Variants in NVL observed in about 807,000 individuals in gnomAD.
NVL encodes nuclear valosin-containing protein-like.
NVL carries 84 observed loss-of-function variants against 110.2 expected under a neutral mutation model. That is an observed-to-expected ratio of 0.76 (90% CI 0.64 to 0.91). The LOEUF is 0.91. NVL is among the 40% of genes least tolerant of loss of function. The pLI, the probability that NVL is intolerant of heterozygous loss-of-function variation, is 0.00. For missense variants in NVL, 882 were observed against 1,035.9 expected (o/e 0.85, Z 2.04); for synonymous variants, 354 against 361.1 (o/e 0.98, Z 0.22).
chr1:224,234,341 C>T (rs1386236895), intron 20 of NVL, among the ~76,000 whole-genome samples: 1 of 151,944 alleles, frequency 6.6e-6, no homozygotes, highest in Non-Finnish European at 1.5e-5. Flanking sequence ...AACATCACTT[C>T]TATGATTCAC....
Position 224,300,650 on chromosome 1 carries a change from G to T in NVL, c.974C>A (p.Pro325Gln). Residue 325 changes from proline to glutamine, a missense_variant, in exon 10 of 23, where the codon CCA becomes CAA. By Grantham distance (76) the Pro-to-Gln change is moderately conservative. Transcript: ENST00000281701. ...CTCTGGAGCAGCCACTTTCAAAATT[G>T]GCAGGTCAAGTTCCTATGCAGACAC... ...AHAIAGELDL[P>Q]ILKVAAPEIV... 2.5e-6 allele frequency: 4 copies of T among 1,613,452 alleles called. No individual in the cohort carries two copies. The highest frequency in any genetic ancestry group is 1.1e-5 in the South Asian group (1 of 90,998).
At chr1:224,301,277 G>T (rs539270482) in intron 9 of NVL, among the ~76,000 whole-genome samples, 1 of 151,732 alleles carries the variant, frequency 6.6e-6, no homozygotes, top group Non-Finnish European at 1.5e-5. Context: ...GCAATTCTTC[G>T]TTTTTTTTGG....
chr1:224,287,904 A>G lies in NVL; in HGVS notation c.1665T>C (p.Asp555=), dbSNP rs1347879650. Residue 555 remains aspartate, a synonymous_variant, in exon 14 of 23, where the codon GAT becomes GAC. Coordinates refer to ENST00000281701, the MANE Select transcript of NVL (RefSeq NM_002533.4). ...QMQGLCIELN[D]FIVALSSVQP... is the part of the protein sequence containing the mutation. ...GGACTGAGGATAGAGCAACAATGAA[A>G]TCATTCAGTTCAATGCACAGTCCTT... The G allele has an allele frequency of 6.2e-6, 10 of 1,613,994 alleles. No individual in the cohort carries two copies. Among genetic ancestry groups the G allele is most frequent in the East Asian group, 4.5e-5 (2 of 44,894 alleles).
intron 18 of NVL, among the ~76,000 whole-genome samples, chr1:224,260,930 C>T (rs1206779315): frequency 6.6e-6 from 1 of 152,008 alleles, no homozygotes; most frequent in African/African-American, 2.4e-5. Context: ...GGCTGGAGTG[C>T]AGTGGCGTGA....
Position 224,300,560 on chromosome 1 carries a change from A to AAATAGTT in NVL, c.1062+1_1062+2insAACTATT. The AAATAGTT allele has an allele frequency of 6.2e-7, 1 of 1,611,754 alleles. No homozygotes were observed. Among genetic ancestry groups the AAATAGTT allele is most frequent in the Non-Finnish European group, 8.5e-7 (1 of 1,178,090 alleles). Reference sequence around the variant, plus strand: ...CCTGGCATTAGTCATTAACTGACTCACCACAGCTTGCTCAAATAGTTCTCT... The same window carrying AAATAGTT: ...CCTGGCATTAGTCATTAACTGACTCAAATAGTTCCACAGCTTGCTCAAATAGTTCTCT... On this transcript the variant is annotated splice_donor_variant, in intron 10 of 22. Coordinates refer to ENST00000281701, the MANE Select transcript of NVL (RefSeq NM_002533.4). LOFTEE classifies it high-confidence loss of function.
In NVL at chr1:224,321,193, C is replaced by T. The variant is rs1027571097; in HGVS notation, c.132-3263G>A. Among the ~76,000 whole-genome samples the T allele has an allele frequency of 5.9e-5, 9 of 152,032 alleles. No homozygotes were observed. The East Asian group carries it at 1.4e-3, about 23-fold the overall frequency. On this transcript the variant is annotated intron_variant, in intron 2 of 22. Transcript: ENST00000281701. ...CCAGGGGGCTGAAGCTGCAGTGAGC[C>T]GAGATTGAGCCACTGCACTCCAACC... is the stretch of plus-strand genomic sequence containing the variant.
chr1:224,231,835 A>C (rs1460943214), intron 21 of NVL, among the ~76,000 whole-genome samples: 1 of 145,190 alleles, frequency 6.9e-6, no homozygotes. Flanking sequence ...GACCAGCCTG[A>C]CCAATATGGT....
At chr1:224,248,231 A>G (rs1662078710) in intron 19 of NVL, among the ~76,000 whole-genome samples, 1 of 152,176 alleles carries the variant, frequency 6.6e-6, no homozygotes, top group Non-Finnish European at 1.5e-5. Flanking sequence ...AGTTAATCCA[A>G]TGTCCTACTA....
intron 20 of NVL, among the ~76,000 whole-genome samples, chr1:224,236,200 A>T (rs1660451543): frequency 6.6e-6 from 1 of 152,212 alleles, no homozygotes. Context: ...TGGCACTTGT[A>T]GATTAGTCTC....
chr1:224,281,548 C>A (rs957343029), intron 15 of NVL, among the ~76,000 whole-genome samples: 23 of 151,558 alleles, frequency 1.5e-4, no homozygotes, highest in Admixed American at 9.2e-4. Context: ...GATCAGCCTG[C>A]CTCGGCCTGC....
intron 9 of NVL, among the ~76,000 whole-genome samples, chr1:224,301,302 A>C (rs1668383842): frequency 6.6e-6 from 1 of 152,070 alleles, no homozygotes; most frequent in Non-Finnish European, 1.5e-5. Context: ...ACTGTGTCTC[A>C]CTATGTTGCC....
rs1484573488 is a variant in NVL, at chr1:224,288,330, G to GA, written c.1576-338dup. 3.3e-5 allele frequency among the ~76,000 whole-genome samples: 5 copies of GA among 152,066 alleles called. No homozygotes were observed. In the South Asian group the frequency reaches 1.0e-3, roughly 32 times the overall value. On this transcript the variant is annotated intron_variant, in intron 13 of 22. Coordinates refer to ENST00000281701, the MANE Select transcript of NVL (RefSeq NM_002533.4). The stretch of plus-strand genomic sequence containing the variant: ...CCATGTTTCATTTATAAATATTCAA[G>GA]AAACAGTTGAATCCTGATGAAATTA...
At chr1:224,298,500 G>T in intron 10 of NVL, 1 of 198,884 alleles carries the variant, frequency 5.0e-6, no homozygotes, top group Non-Finnish European at 1.1e-5. Context: ...GGAAACCAAA[G>T]GGAAAGTGTC....
chr1:224,281,312 T>TGA (rs1666300050), intron 15 of NVL, 127 bp from the exon 16 acceptor site: 50 of 748,854 alleles, frequency 6.7e-5, no homozygotes, highest in East Asian at 1.4e-4. Context: ...TGTGTGTGTG[T>TGA]GAGATTTAGA....
intron 22 of NVL, among the ~76,000 whole-genome samples, chr1:224,230,475 G>T (rs1303477430): frequency 6.6e-6 from 1 of 151,984 alleles, no homozygotes; most frequent in Admixed American, 6.6e-5. Flanking sequence ...ATGGTGGTGC[G>T]CACCTATAGT....
intron 21 of NVL, among the ~76,000 whole-genome samples, chr1:224,232,580 A>G (rs1660021205): frequency 1.3e-5 from 2 of 151,996 alleles, no homozygotes; most frequent in South Asian, 4.2e-4. Flanking sequence ...GGCTGCTCTC[A>G]AACTCCTGGG....
At chr1:224,251,616 G>T (rs1413914143) in intron 18 of NVL, among the ~76,000 whole-genome samples, 1 of 152,136 alleles carries the variant, frequency 6.6e-6, no homozygotes, top group Non-Finnish European at 1.5e-5. Context: ...CTCCAGCCTG[G>T]GCGACAGAGC....
At chr1:224,240,794 T>G (rs1305303820) in intron 19 of NVL, among the ~76,000 whole-genome samples, 1 of 144,728 alleles carries the variant, frequency 6.9e-6, no homozygotes, top group Admixed American at 6.9e-5. Context: ...TTTTTTTTTT[T>G]TTTTTTTTTT....
At chr1:224,324,051 A>T (rs1670911168) in intron 2 of NVL, among the ~76,000 whole-genome samples, 1 of 152,228 alleles carries the variant, frequency 6.6e-6, no homozygotes, top group South Asian at 2.1e-4. Flanking sequence ...AAAATAAGTA[A>T]GAGTATACTT....
Sources: allele counts gnomAD v4.1 joint callset (sites outside exome capture counted in the v4.1 genomes callset), GRCh38; gene constraint gnomAD v4.1.1; transcripts MANE v1.5; gene names NCBI Gene and HGNC (gene_info 2026-07-23, HGNC 2026-07-21).